The following KCNMB2 variants were observed in gnomAD, a reference collection of about 807,000 sequenced individuals.
KCNMB2 encodes the protein calcium-activated potassium channel subunit beta-2.
In KCNMB2, 9 loss-of-function variants were observed where a neutral mutation model predicts 24.5. That is an observed-to-expected ratio of 0.37 (90% CI 0.22 to 0.64). The LOEUF is 0.64. Among genes scored for constraint, KCNMB2 ranks in the 30% least tolerant of loss-of-function variants. The pLI, the probability that KCNMB2 is intolerant of heterozygous loss-of-function variation, is 0.63. For synonymous variants in KCNMB2, 109 were observed against 104.4 expected, an observed-to-expected ratio of 1.04 and a Z score of -0.27; for missense variants, 226 against 284.3, an observed-to-expected ratio of 0.79 and a Z score of 1.47.
chr3:178,566,494 G>A (rs1164950294), intron 1 of KCNMB2, among the ~76,000 whole-genome samples: 3 of 151,994 alleles, frequency 2.0e-5, no homozygotes, highest in Non-Finnish European at 4.4e-5. Flanking sequence ...AACTCATATG[G>A]ACTATAACAC....
intron 1 of KCNMB2, among the ~76,000 whole-genome samples, chr3:178,785,192 C>G (rs982734840): frequency 4.6e-5 from 7 of 151,974 alleles, no homozygotes. Flanking sequence ...ATCACACACT[C>G]ACTAAAATAA....
intron 1 of KCNMB2, among the ~76,000 whole-genome samples, chr3:178,752,893 TTTG>T (rs1375705056): frequency 6.6e-6 from 1 of 152,148 alleles, no homozygotes. Context: ...TGCATAGTCT[TTTG>T]GGGAAGCAAA....
At chr3:178,675,712 C>T (rs1227948828) in intron 1 of KCNMB2, among the ~76,000 whole-genome samples, 2 of 152,094 alleles carry the variant, frequency 1.3e-5, no homozygotes, top group East Asian at 3.9e-4. Flanking sequence ...AACAGAATAG[C>T]CATAATAGAG....
At chr3:178,597,886 T>C (rs1717933773) in intron 1 of KCNMB2, among the ~76,000 whole-genome samples, 1 of 152,130 alleles carries the variant, frequency 6.6e-6, no homozygotes, top group Non-Finnish European at 1.5e-5. Flanking sequence ...CAACTTCTTC[T>C]TTTGTGTTGG....
intron 1 of KCNMB2, among the ~76,000 whole-genome samples, chr3:178,561,756 A>T (rs1716323872): frequency 6.6e-6 from 1 of 152,222 alleles, no homozygotes; most frequent in Non-Finnish European, 1.5e-5. Context: ...CTATAATCTG[A>T]TATGCAGCAA....
At chr3:178,555,165 G>A (rs1716081549) in intron 1 of KCNMB2, among the ~76,000 whole-genome samples, 1 of 152,158 alleles carries the variant, frequency 6.6e-6, no homozygotes, top group African/African-American at 2.4e-5. Flanking sequence ...CTGCAACTGG[G>A]AAGTTCCAAG....
intron 1 of KCNMB2, among the ~76,000 whole-genome samples, chr3:178,614,435 A>G (rs1718633059): frequency 6.7e-6 from 1 of 150,286 alleles, no homozygotes; most frequent in South Asian, 2.1e-4. Context: ...TCATGTCTTC[A>G]TGGTGGCAGA....
chr3:178,739,102 GAAA>G (rs35023195), intron 1 of KCNMB2, among the ~76,000 whole-genome samples: 1 of 142,130 alleles, frequency 7.0e-6, no homozygotes, highest in African/African-American at 2.6e-5. Flanking sequence ...CTAAATAACA[GAAA>G]AAAAAAAAAA....
chr3:178,596,587 T>G (rs1323748362), intron 1 of KCNMB2, among the ~76,000 whole-genome samples: 1 of 152,096 alleles, frequency 6.6e-6, no homozygotes, highest in East Asian at 1.9e-4. Context: ...AACTGTAGTC[T>G]ACTTCATCCT....
chr3:178,735,026 G>A (rs1723272043), intron 1 of KCNMB2, among the ~76,000 whole-genome samples: 1 of 152,226 alleles, frequency 6.6e-6, no homozygotes, highest in African/African-American at 2.4e-5. Context: ...AATAAGACTA[G>A]GGAGTCAGAT....
chr3:178,570,683 G>GA (rs1716745844), intron 1 of KCNMB2, among the ~76,000 whole-genome samples: 1 of 151,672 alleles, frequency 6.6e-6, no homozygotes, highest in Non-Finnish European at 1.5e-5. Flanking sequence ...AAGAACAAGT[G>GA]AAAAAAGGAG....
At chr3:178,823,585 C>T (rs886851063) in intron 2 of KCNMB2, among the ~76,000 whole-genome samples, 1 of 152,168 alleles carries the variant, frequency 6.6e-6, no homozygotes, top group African/African-American at 2.4e-5. Flanking sequence ...CTCGGCCCTA[C>T]AACCTCATGG....
chr3:178,764,207 A>G (rs1712026809), intron 1 of KCNMB2, among the ~76,000 whole-genome samples: 2 of 152,232 alleles, frequency 1.3e-5, no homozygotes, highest in Admixed American at 1.3e-4. Context: ...TACATTTATT[A>G]TAACAAGAAA....
At chr3:178,835,664 C>T (rs911845370) in intron 4 of KCNMB2, among the ~76,000 whole-genome samples, 4 of 151,592 alleles carry the variant, frequency 2.6e-5, no homozygotes, top group African/African-American at 9.7e-5. Flanking sequence ...GACTTTGGAA[C>T]TAATAATATT....
chr3:178,758,111 A>C (rs1724244350), intron 1 of KCNMB2, among the ~76,000 whole-genome samples: 1 of 101,386 alleles, frequency 9.9e-6, no homozygotes, highest in African/African-American at 3.5e-5. Flanking sequence ...TATACACACA[A>C]GAGGATATAT....
chr3:178,827,358 G>C (rs1316834022), intron 3 of KCNMB2, among the ~76,000 whole-genome samples: 2 of 152,052 alleles, frequency 1.3e-5, no homozygotes, highest in East Asian at 1.9e-4. Context: ...TGTGTTTGTG[G>C]GGAGACAGCA....
intron 1 of KCNMB2, among the ~76,000 whole-genome samples, chr3:178,761,764 T>C (rs945499337): frequency 2.0e-5 from 3 of 152,140 alleles, no homozygotes; most frequent in Admixed American, 6.5e-5. Flanking sequence ...AAAAAAAATA[T>C]AGACAATGTC....
intron 1 of KCNMB2, among the ~76,000 whole-genome samples, chr3:178,663,922 G>A (rs1289357029): frequency 6.6e-6 from 1 of 152,044 alleles, no homozygotes; most frequent in Non-Finnish European, 1.5e-5. Context: ...TCTAGAGACT[G>A]TGGCACAAGT....
chr3:178,556,823 C>A (rs1181417781), intron 1 of KCNMB2, among the ~76,000 whole-genome samples: 1 of 152,010 alleles, frequency 6.6e-6, no homozygotes, highest in Non-Finnish European at 1.5e-5. Flanking sequence ...GAATGTCAGG[C>A]CCTAAAGAGA....
Sources: allele counts gnomAD v4.1 joint callset (sites outside exome capture counted in the v4.1 genomes callset), GRCh38; gene constraint gnomAD v4.1.1; transcripts MANE v1.5; gene names NCBI Gene and HGNC (gene_info 2026-07-23, HGNC 2026-07-21).